ARMC2: variants seen among roughly 807,000 people sequenced by gnomAD.
ARMC2 encodes the protein armadillo repeat-containing protein 2.
A neutral mutation model predicts 90.3 loss-of-function variants in ARMC2; 67 were observed. That is an observed-to-expected ratio of 0.74 (90% CI 0.61 to 0.91). The LOEUF is 0.91. ARMC2 is among the 40% of genes least tolerant of loss of function. ARMC2 has a pLI of 0.00. For missense variants in ARMC2, 920 were observed against 1,030.9 expected (o/e 0.89, Z 1.47); for synonymous variants, 393 against 393.0 (o/e 1.00, Z 0.00).
chr6:108,984,864 C>A, the ARMC2 span, among the ~76,000 whole-genome samples: 1 of 152,100 alleles, frequency 6.6e-6, no homozygotes, highest in Non-Finnish European at 1.5e-5. Flanking sequence ...TTTGGTGCGG[C>A]CTTTTCCTGG....
At chr6:108,980,510 GTTCT>G in the ARMC2 span, among the ~76,000 whole-genome samples, 16,733 of 151,854 alleles carry the variant, frequency 0.11, 1,013 homozygotes, top group Middle Eastern at 0.19. Flanking sequence ...CTCCTCAGGA[GTTCT>G]CCTGAGGAGA....
At position 108,876,333 on chromosome 6, in the gene ARMC2, T is replaced by G. The variant is rs751871044; in HGVS notation, c.654T>G (p.Ser218=). 1.1e-4 allele frequency: 174 copies of G among 1,611,498 alleles called. No individual in the cohort carries two copies. Among genetic ancestry groups the G allele is most frequent in the Admixed American group, 5.2e-4 (31 of 59,540 alleles). The change falls in exon 5 of 18, where the codon TCT becomes TCG. Residue 218 remains serine (S), a synonymous_variant. Transcript: ENST00000392644. ...EMFKGTTSLP[S]HLKNGGDQGK... is the part of the protein sequence containing the mutation. ...TCAAAGGAACAACATCTTTACCATC[T>G]CATCTCAAGAATGGAGGGTCAGTAT...
chr6:108,916,202 C>A lies in ARMC2; in HGVS notation c.1350+3644C>A, dbSNP rs1002520315. On this transcript the variant is annotated intron_variant, in intron 10 of 17. Transcript: ENST00000392644. The stretch of plus-strand genomic sequence containing the variant: ...ACCTGGTGGCTGAAATCAAGAGACA[C>A]TCATTTCACAAGTTTTGTGGCGTGG... 9.8e-5 allele frequency among the ~76,000 whole-genome samples: 15 copies of A among 152,318 alleles called. 1 individual carries two copies. The highest frequency in any genetic ancestry group is 3.6e-4 in the African/African-American group (15 of 41,572).
At chr6:108,862,490 A>G (rs569298558) in intron 3 of ARMC2, among the ~76,000 whole-genome samples, 4 of 152,314 alleles carry the variant, frequency 2.6e-5, no homozygotes, top group Non-Finnish European at 5.9e-5. Context: ...TCTTAAGTAC[A>G]TTTCATTTTA....
chr6:108,874,216 C>A lies in ARMC2; in HGVS notation c.464-1927C>A, dbSNP rs78852786. On this transcript the variant is annotated intron_variant, in intron 4 of 17. Coordinates refer to ENST00000392644, the MANE Select transcript of ARMC2 (RefSeq NM_032131.6). Reference sequence around the variant, plus strand: ...AGGGCAGCTCTTCGTTGTAGTAATACCTGACAAGCTTACTCCAGTAGATTT... The same window carrying A: ...AGGGCAGCTCTTCGTTGTAGTAATAACTGACAAGCTTACTCCAGTAGATTT... 4.2e-3 allele frequency among the ~76,000 whole-genome samples: 638 copies of A among 152,234 alleles called. 3 individuals carry two copies. The highest frequency in any genetic ancestry group is 0.014 in the African/African-American group (598 of 41,538).
At chr6:108,904,600 T>C (rs1386267892) in intron 8 of ARMC2, among the ~76,000 whole-genome samples, 195 bp downstream of exon 8, 2 of 145,008 alleles carry the variant, frequency 1.4e-5, no homozygotes, top group South Asian at 2.1e-4. Flanking sequence ...GCTGAGTACA[T>C]AGAAAATGTT....
chr6:108,943,245 G>C (rs1477336596), intron 12 of ARMC2, among the ~76,000 whole-genome samples: 1 of 152,052 alleles, frequency 6.6e-6, no homozygotes, highest in Non-Finnish European at 1.5e-5. Context: ...CATATGAGAA[G>C]TCTGAATATA....
the ARMC2 span, among the ~76,000 whole-genome samples, chr6:109,044,708 C>T: frequency 0.1 from 15,205 of 151,870 alleles, 927 homozygotes; most frequent in Middle Eastern, 0.19. Flanking sequence ...ACAGACATCT[C>T]GAATCAAAAA....
the ARMC2 span, among the ~76,000 whole-genome samples, chr6:109,033,163 T>A: frequency 6.6e-6 from 1 of 152,136 alleles, no homozygotes; most frequent in Non-Finnish European, 1.5e-5. Flanking sequence ...GAGAAACTTC[T>A]AGGATAGTCT....
At chr6:109,001,386 G>A in the ARMC2 span, 1 of 1,613,710 alleles carries the variant, frequency 6.2e-7, no homozygotes, top group African/African-American at 1.3e-5. Context: ...TATTGTGGGT[G>A]GAAAACCATC....
At chr6:109,041,286 A>G in the ARMC2 span, among the ~76,000 whole-genome samples, 1 of 152,080 alleles carries the variant, frequency 6.6e-6, no homozygotes, top group Non-Finnish European at 1.5e-5. Flanking sequence ...TGGGTGGCAG[A>G]GTGAGACTCT....
intron 5 of ARMC2, among the ~76,000 whole-genome samples, chr6:108,889,574 G>A (rs371391641): frequency 1.3e-5 from 2 of 151,994 alleles, no homozygotes; most frequent in African/African-American, 2.4e-5. Flanking sequence ...CAAAGTGGCC[G>A]GGACTACAGG....
In ARMC2 at chr6:108,851,455, A is replaced by G. The variant is rs7746820; in HGVS notation, c.-43-2770A>G. Among the ~76,000 whole-genome samples the G allele has an allele frequency of 9.0e-3, 1,364 of 152,284 alleles. 17 individuals are homozygous for G. The highest frequency in any genetic ancestry group is 0.029 in the African/African-American group (1,194 of 41,548). On this transcript the variant is annotated intron_variant, in intron 1 of 17. Transcript: ENST00000392644. Reference sequence around the variant, plus strand: ...AAATCATTTGAGTATAAGCAGGGTAAATACTCACTGGGTACGTACCAGGAA... The same window carrying G: ...AAATCATTTGAGTATAAGCAGGGTAGATACTCACTGGGTACGTACCAGGAA...
chr6:109,028,433 C>T, the ARMC2 span, among the ~76,000 whole-genome samples: 2 of 151,908 alleles, frequency 1.3e-5, no homozygotes, highest in African/African-American at 4.8e-5. Context: ...TCACAGGGAC[C>T]AAATTTGACC....
chr6:109,017,198 T>C, the ARMC2 span, among the ~76,000 whole-genome samples: 60 of 152,296 alleles, frequency 3.9e-4, 1 homozygote, highest in South Asian at 8.9e-3. Flanking sequence ...AAAATAATGC[T>C]ATTATTTTAC....
intron 11 of ARMC2, among the ~76,000 whole-genome samples, chr6:108,930,021 A>T (rs754401204): frequency 6.6e-6 from 1 of 151,678 alleles, no homozygotes; most frequent in Non-Finnish European, 1.5e-5. Context: ...CAGCTACTTG[A>T]GAGGCTGAGG....
the ARMC2 span, chr6:109,000,433 TA>T: frequency 1.5e-6 from 2 of 1,328,804 alleles, no homozygotes; most frequent in Non-Finnish European, 9.9e-7. Flanking sequence ...TCTGTAATCC[TA>T]AAACTGCTCT....
chr6:108,876,160 T>C lies in ARMC2; in HGVS notation c.481T>C (p.Ser161Pro). The C allele has an allele frequency of 6.2e-7, 1 of 1,608,736 alleles. No individual in the cohort carries two copies. The highest frequency in any genetic ancestry group is 8.5e-7 in the Non-Finnish European group (1 of 1,178,418). The change falls in exon 5 of 18, where the codon TCC becomes CCC. Residue 161 changes from serine to proline, a missense_variant. Coordinates refer to ENST00000392644, the MANE Select transcript of ARMC2 (RefSeq NM_032131.6). ...PPSDSKKTVE[S>P]KETVMMGDSM... The stretch of plus-strand genomic sequence containing the variant: ...TATTGCAGCAAAGAAGACAGTGGAA[T>C]CCAAAGAAACAGTTATGATGGGGGA...
intron 9 of ARMC2, 108 bp downstream of exon 9, chr6:108,911,109 A>G (rs1773382308): frequency 1.4e-6 from 1 of 700,488 alleles, no homozygotes; most frequent in East Asian, 3.0e-5. Flanking sequence ...TTTGTTTTCT[A>G]GAAACATGCA....
Sources: allele counts gnomAD v4.1 joint callset (sites outside exome capture counted in the v4.1 genomes callset), GRCh38; gene constraint gnomAD v4.1.1; transcripts MANE v1.5; gene names NCBI Gene and HGNC (gene_info 2026-07-23, HGNC 2026-07-21).